Variants in CD9 observed in about 807,000 individuals in gnomAD.
CD9 encodes the protein CD9 antigen.
A neutral mutation model predicts 31.4 loss-of-function variants in CD9; 10 were observed. The observed-to-expected ratio is 0.32, with a 90% CI of 0.20 to 0.54. The LOEUF is 0.54. Ranked by LOEUF, CD9 falls within the 20% of genes least tolerant of loss-of-function variation. The pLI, the probability that CD9 is intolerant of heterozygous loss-of-function variation, is 0.94. For missense variants in CD9, 259 were observed against 300.1 expected, an observed-to-expected ratio of 0.86 and a Z score of 1.01; for synonymous variants, 113 against 114.1, an observed-to-expected ratio of 0.99 and a Z score of 0.06.
At chr12:6,223,530 G>A (rs1054252503) in intron 1 of CD9, among the ~76,000 whole-genome samples, 2 of 152,162 alleles carry the variant, frequency 1.3e-5, no homozygotes, top group Admixed American at 6.5e-5. Context: ...CAAAGAGCTG[G>A]GATTACAGGC....
At chr12:6,235,827 GCTT>G in intron 6 of CD9, 1 of 1,376,800 alleles carries the variant, frequency 7.3e-7, no homozygotes, top group Non-Finnish European at 9.4e-7. Flanking sequence ...GGGCAGGCGT[GCTT>G]CTGAGTCTTG....
intron 2 of CD9, among the ~76,000 whole-genome samples, chr12:6,228,935 TG>T (rs1409576126): frequency 2.0e-5 from 3 of 152,222 alleles, no homozygotes; most frequent in Admixed American, 1.3e-4. Flanking sequence ...TTTTCTCCAG[TG>T]GGGCCACAGC....
intron 2 of CD9, chr12:6,226,415 C>T (rs757317657): frequency 5.9e-5 from 9 of 152,168 alleles, no homozygotes; most frequent in African/African-American, 9.7e-5. Flanking sequence ...TTTAGGATGA[C>T]GCTGACATGT....
intron 1 of CD9, among the ~76,000 whole-genome samples, chr12:6,203,447 A>G (rs1247953111): frequency 6.6e-6 from 1 of 152,218 alleles, no homozygotes; most frequent in African/African-American, 2.4e-5. Context: ...AGTGCCCAGC[A>G]GCACTTTGCA....
intron 2 of CD9, among the ~76,000 whole-genome samples, chr12:6,229,885 G>A (rs1280836113): frequency 1.3e-5 from 2 of 149,140 alleles, no homozygotes; most frequent in East Asian, 3.9e-4. Flanking sequence ...CAACCCTTAA[G>A]CAAATTAATA....
rs974810726 is a variant in CD9 at position 6,207,133 on chromosome 12, C to T, written c.66+6568C>T. Among the ~76,000 whole-genome samples, 11 of 152,250 alleles carry T rather than the reference C, an allele frequency of 7.2e-5. No homozygotes were observed. In the East Asian group the frequency reaches 1.7e-3, roughly 24 times the overall value. ...CTGGGCTCAAGCAGTCCTTCAGCCT[C>T]GGACTCCCAAAGCACTGGGATCATA... is the stretch of plus-strand genomic sequence containing the variant. On this transcript the variant is annotated intron_variant, in intron 1 of 7. Transcript: ENST00000009180.
At chr12:6,211,036 C>T (rs1332138919) in intron 1 of CD9, among the ~76,000 whole-genome samples, 2 of 151,994 alleles carry the variant, frequency 1.3e-5, no homozygotes, top group Admixed American at 1.3e-4. Context: ...TGGGGTTTCA[C>T]CATGTTGGCC....
At chr12:6,233,591 T>C in intron 4 of CD9, 105 bp downstream of exon 4, 1 of 867,146 alleles carries the variant, frequency 1.2e-6, no homozygotes. Flanking sequence ...TTTCAGCTGT[T>C]GACCAGGCCT....
chr12:6,222,984 G>A (rs1790031525), intron 1 of CD9, among the ~76,000 whole-genome samples: 1 of 152,196 alleles, frequency 6.6e-6, no homozygotes, highest in South Asian at 2.1e-4. Context: ...GGAGATAATT[G>A]CTTGATAAGC....
At chr12:6,207,014 C>A (rs1591962594) in intron 1 of CD9, among the ~76,000 whole-genome samples, 2 of 151,968 alleles carry the variant, frequency 1.3e-5, no homozygotes, top group Non-Finnish European at 2.9e-5. Context: ...CTCAGCCTCT[C>A]AAGTAGCTGG....
intron 1 of CD9, among the ~76,000 whole-genome samples, chr12:6,205,442 T>A (rs927144899): frequency 5.3e-5 from 8 of 152,166 alleles, no homozygotes; most frequent in African/African-American, 1.9e-4. Context: ...CAGCCCGAAT[T>A]TGGGAGTGCT....
Position 6,233,428 on chromosome 12 carries a change from T to C in CD9, c.290T>C (p.Leu97Ser). The change falls in exon 4 of 8, where the codon TTG becomes TCG. Residue 97 changes from leucine to serine, a missense_variant. Physicochemically the swap from Leu to Ser is moderately radical, Grantham distance 145. Transcript: ENST00000009180. ...CMLGLFFGFL[L>S]VIFAIEIAAA... ...GCCTTCCAGTTCTTCGGCTTCCTCT[T>C]GGTGATATTCGCCATTGAAATAGCT... 1 of 1,614,056 alleles carries C rather than the reference T, an allele frequency of 6.2e-7. No individual in the cohort carries two copies. Among genetic ancestry groups the C allele is most frequent in the Non-Finnish European group, 8.5e-7 (1 of 1,179,924 alleles).
Position 6,237,787 on chromosome 12 carries a change from A to G in CD9, c.646A>G (p.Ile216Val). The change falls in exon 8 of 8, where the codon ATC becomes GTC. Residue 216 changes from isoleucine (I) to valine (V), a missense_variant. By Grantham distance (29) the Ile-to-Val change is conservative. Transcript: ENST00000009180. ...GATATTTGGCATGATCTTCAGTATG[A>G]TCTTGTGCTGTGCTATCCGCAGGAA... ...VMIFGMIFSM[I>V]LCCAIRRNRE... The G allele has an allele frequency of 6.2e-7, 1 of 1,613,544 alleles. No homozygotes were observed. The highest frequency in any genetic ancestry group is 8.5e-7 in the Non-Finnish European group (1 of 1,179,542).
chr12:6,218,794 G>A (rs1042592237), intron 1 of CD9, among the ~76,000 whole-genome samples: 1 of 152,152 alleles, frequency 6.6e-6, no homozygotes, highest in African/African-American at 2.4e-5. Flanking sequence ...GTGAGTGGGT[G>A]TGGCAAGGGA....
At chr12:6,221,859 G>T (rs1233668222) in intron 1 of CD9, among the ~76,000 whole-genome samples, 1 of 151,198 alleles carries the variant, frequency 6.6e-6, no homozygotes, top group Non-Finnish European at 1.5e-5. Context: ...GCCAGGATTA[G>T]CGGCATGCAC....
chr12:6,225,315 C>A, intron 1 of CD9, 111 bp from the exon 2 acceptor site: 1 of 707,868 alleles, frequency 1.4e-6, no homozygotes, highest in Non-Finnish European at 2.6e-6. Context: ...ATATGAGGGG[C>A]AGAGACCAAG....
Position 6,232,722 on chromosome 12 carries a change from TG to T in CD9, c.269del (p.Gly90AspfsTer9). ...CGAVQESQCM[L>X]GLFFGFLLVI... ...GCTGTGCAGGAGTCCCAGTGCATGC[TG>T]GGACTGGTGAGTATCCCCTCGGCAT... On this transcript the variant is annotated frameshift_variant, in exon 3 of 8. Coordinates refer to ENST00000009180, the MANE Select transcript of CD9 (RefSeq NM_001769.4). LOFTEE classifies it high-confidence loss of function. This position sits in a 1 kb window ranked among gnomAD's most constrained non-coding sequence, Gnocchi z 4.8. The T allele has an allele frequency of 6.4e-7, 1 of 1,556,510 alleles. No homozygotes were observed. Among genetic ancestry groups the T allele is most frequent in the South Asian group, 1.2e-5 (1 of 85,146 alleles).
intron 1 of CD9, among the ~76,000 whole-genome samples, chr12:6,212,089 G>C (rs1289939412): frequency 6.6e-6 from 1 of 152,170 alleles, no homozygotes; most frequent in African/African-American, 2.4e-5. Context: ...CTCATCCTCT[G>C]CCACACCCTG....
chr12:6,235,996 G>A, intron 6 of CD9, 196 bp from the exon 7 acceptor site: 1 of 1,422,384 alleles, frequency 7.0e-7, no homozygotes, highest in South Asian at 1.5e-5. Context: ...CCAGATTTTA[G>A]GGATCCACTA....
Sources: allele counts gnomAD v4.1 joint callset (sites outside exome capture counted in the v4.1 genomes callset), GRCh38; gene constraint gnomAD v4.1.1; non-coding constraint Gnocchi (gnomAD v3.1); transcripts MANE v1.5; gene names NCBI Gene and HGNC (gene_info 2026-07-23, HGNC 2026-07-21).